The following COX15 variants were observed in gnomAD, a reference collection of about 807,000 sequenced individuals.
COX15 encodes the protein cytochrome c oxidase assembly factor COX15.
COX15 carries 51 observed loss-of-function variants against 51.9 expected under a neutral mutation model. That is an observed-to-expected ratio of 0.98 (90% CI 0.78 to 1.24). The LOEUF (loss-of-function observed/expected upper bound fraction) is 1.24, where lower values mean the gene tolerates loss of function less well. COX15 is among the 50% of genes most tolerant of loss of function. The pLI, the probability that COX15 is intolerant of heterozygous loss-of-function variation, is 0.00. For missense variants in COX15, 420 were observed against 501.1 expected, an observed-to-expected ratio of 0.84 and a Z score of 1.55; for synonymous variants, 188 against 190.5, an observed-to-expected ratio of 0.99 and a Z score of 0.11.
chr10:99,723,068 C>A (rs1244462288), intron 5 of COX15: 1 of 152,084 alleles, frequency 6.6e-6, no homozygotes, highest in Non-Finnish European at 1.5e-5. Context: ...ACTTAAGAGT[C>A]CTGCTGTCAT....
chr10:99,700,248 C>T, the COX15 span, among the ~76,000 whole-genome samples: 1 of 151,984 alleles, frequency 6.6e-6, no homozygotes, highest in African/African-American at 2.4e-5. Context: ...GATTTTTTTC[C>T]CTTACCTTTT....
At chr10:99,730,581 C>T (rs1321356721) in intron 1 of COX15, among the ~76,000 whole-genome samples, 2 of 44,702 alleles carry the variant, frequency 4.5e-5, no homozygotes, top group Non-Finnish European at 1.0e-4. Context: ...GAGACTCCAT[C>T]TCTCAAAAAA....
At chr10:99,703,048 G>A in the COX15 span, among the ~76,000 whole-genome samples, 1 of 152,206 alleles carries the variant, frequency 6.6e-6, no homozygotes, top group Non-Finnish European at 1.5e-5. Flanking sequence ...CTAAAGAACA[G>A]GGGTAGGATG....
At chr10:99,702,744 TTTC>T in the COX15 span, 7 of 1,419,354 alleles carry the variant, frequency 4.9e-6, no homozygotes, top group South Asian at 1.5e-5. Flanking sequence ...AATCGGTTTC[TTTC>T]TTTTTTTTTT....
chr10:99,694,570 CTT>C, the COX15 span, among the ~76,000 whole-genome samples: 16 of 133,974 alleles, frequency 1.2e-4, no homozygotes, highest in Non-Finnish European at 1.2e-4. Flanking sequence ...GGGTTTCACT[CTT>C]GTCACTCAGG....
chr10:99,713,274 T>A lies in COX15; in HGVS notation c.*1313A>T, dbSNP rs558512012. 5.6e-5 allele frequency: 86 copies of A among 1,529,284 alleles called. No homozygotes were observed. The South Asian group carries it at 9.5e-4, about 17-fold the overall frequency. The allele number at this position is 1,529,284 out of a possible 1,614,324, so 94.7% of individuals were successfully genotyped here. On this transcript the variant is annotated 3_prime_UTR_variant, in exon 9 of 9. Transcript: ENST00000016171. ...AAGGCCAGGTTTCTTCAGCCCAAAC[T>A]TATACAACTTATTTAATTTAAATGA...
downstream of COX15, chr10:99,709,055 A>G: frequency 1.9e-5 from 19 of 982,818 alleles, no homozygotes; most frequent in Non-Finnish European, 2.3e-5. Flanking sequence ...TTGTTCCTGT[A>G]TTTCTTTTCG....
the COX15 span, among the ~76,000 whole-genome samples, chr10:99,701,540 G>A: frequency 2.0e-5 from 3 of 151,370 alleles, no homozygotes; most frequent in African/African-American, 7.3e-5. Context: ...CGCCTGCCTC[G>A]CCCTCCCAGA....
At chr10:99,701,267 C>A in the COX15 span, among the ~76,000 whole-genome samples, 7 of 149,068 alleles carry the variant, frequency 4.7e-5, no homozygotes, top group Non-Finnish European at 8.9e-5. Context: ...GAGTTCTCAA[C>A]AAGTGATTTG....
chr10:99,731,113 G>A (rs7096626), intron 1 of COX15, among the ~76,000 whole-genome samples: 130,014 of 152,142 alleles, frequency 0.85, 55,617 homozygotes, highest in Middle Eastern at 0.92. Context: ...AGGTACACTT[G>A]GAAAGGCAGC....
At position 99,729,600 on chromosome 10, in the gene COX15, G is replaced by C. The variant is rs1366449013; in HGVS notation, c.225C>G (p.Val75=). The change falls in exon 2 of 9, where the codon GTC becomes GTG. Residue 75 remains valine, a synonymous_variant. Coordinates refer to ENST00000016171, the MANE Select transcript of COX15 (RefSeq NM_078470.6). The stretch of plus-strand genomic sequence containing the variant: ...CTGCTCCAGCCACTGTTCCACTGCA[G>C]ACCAGGAGCCATCGGCCCACCACCC... ...AERVVGRWLL[V]CSGTVAGAVI... is the part of the protein sequence containing the mutation. 7 of 1,613,680 alleles carry C rather than the reference G, an allele frequency of 4.3e-6. No individual in the cohort carries two copies. Among genetic ancestry groups the C allele is most frequent in the Non-Finnish European group, 5.9e-6 (7 of 1,180,002 alleles).
At chr10:99,707,172 G>A (rs141079468), downstream of COX15, among the ~76,000 whole-genome samples, 3 of 152,202 alleles carry the variant, frequency 2.0e-5, no homozygotes, top group East Asian at 5.8e-4. Context: ...GTCTTGGAGT[G>A]TTTAATGTGT....
At chr10:99,716,663 C>T (rs912020637) in intron 7 of COX15, 14 of 521,642 alleles carry the variant, frequency 2.7e-5, no homozygotes, top group East Asian at 7.0e-5. Flanking sequence ...ACTTAAACGT[C>T]GGTATCACCC....
At chr10:99,707,669 G>T (rs973803584), downstream of COX15, among the ~76,000 whole-genome samples, 6 of 152,138 alleles carry the variant, frequency 3.9e-5, no homozygotes, top group African/African-American at 1.4e-4. Context: ...ACTGAGACAG[G>T]TCACAAACAT....
chr10:99,720,986 C>T lies in COX15; in HGVS notation c.832+1G>A. The stretch of plus-strand genomic sequence containing the variant: ...GTCATCTTTGATGAGCTGAGTCCTA[C>T]CTGAGAGGGCCGTAAGGAACACCAG... On this transcript the variant is annotated splice_donor_variant, in intron 6 of 8. Coordinates refer to ENST00000016171, the MANE Select transcript of COX15 (RefSeq NM_078470.6). LOFTEE classifies it high-confidence loss of function. 1.2e-6 allele frequency: 2 copies of T among 1,613,204 alleles called. No homozygotes were observed. Among genetic ancestry groups the T allele is most frequent in the South Asian group, 2.2e-5 (2 of 90,794 alleles).
chr10:99,726,611 G>C (rs1434738542), intron 4 of COX15, among the ~76,000 whole-genome samples: 1 of 152,082 alleles, frequency 6.6e-6, no homozygotes, highest in Non-Finnish European at 1.5e-5. Flanking sequence ...CTAGGGGCCG[G>C]GCGCAGTGGC....
At position 99,724,340 on chromosome 10, in the gene COX15, G is replaced by A. The variant is rs1055891294; in HGVS notation, c.583-217C>T. Among the ~76,000 whole-genome samples the A allele has an allele frequency of 2.0e-5, 3 of 152,106 alleles. No individual in the cohort carries two copies. In the South Asian group the frequency reaches 6.2e-4, roughly 32 times the overall value. ...TGGGACTACAGTTGCGCATCACCAC[G>A]CCTGGCTAATTTTTGTATTTTTAGT... On this transcript the variant is annotated intron_variant, in intron 4 of 8. Transcript: ENST00000016171.
chr10:99,699,246 G>C, the COX15 span, among the ~76,000 whole-genome samples: 1 of 152,174 alleles, frequency 6.6e-6, no homozygotes, highest in Non-Finnish European at 1.5e-5. Flanking sequence ...TTTTGGAGAT[G>C]ATATCACCCA....
Position 99,732,112 on chromosome 10 carries a change from CA to C in COX15, c.-64del. On this transcript the variant is annotated 5_prime_UTR_variant, in exon 1 of 9. Coordinates refer to ENST00000016171, the MANE Select transcript of COX15 (RefSeq NM_078470.6). Reference sequence around the variant, plus strand: ...GGGCTCTGTGGTCTCCCTCCTCCGCCAAGGAAAAGAGAAGCACTTCCGGGTC... The same window carrying C: ...GGGCTCTGTGGTCTCCCTCCTCCGCCAGGAAAAGAGAAGCACTTCCGGGTC... The C allele has an allele frequency of 6.4e-7, 1 of 1,574,474 alleles. No individual in the cohort carries two copies. Among genetic ancestry groups the C allele is most frequent in the East Asian group, 2.3e-5 (1 of 42,798 alleles).
Sources: gnomAD v4.1 joint callset for allele counts (sites outside exome capture counted in the v4.1 genomes callset) on GRCh38, gnomAD v4.1.1 for gene constraint, MANE v1.5 for transcripts, NCBI Gene and HGNC (gene_info 2026-07-23, HGNC 2026-07-21) for gene names.